The following UHMK1 variants were observed in gnomAD, a reference collection of about 807,000 sequenced individuals.
UHMK1 encodes serine/threonine-protein kinase Kist.
In UHMK1, 18 loss-of-function variants were observed where a neutral mutation model predicts 44.0. The ratio of observed to expected loss-of-function variants is 0.41; its 90% CI spans 0.28 to 0.61. The LOEUF is 0.61. UHMK1 is among the 20% of genes least tolerant of loss of function. The probability of loss-of-function intolerance (pLI) is 0.31; values close to 1 mark genes in which losing one functional copy is unlikely to be tolerated. For synonymous variants in UHMK1, 231 were observed against 198.5 expected, an observed-to-expected ratio of 1.16 and a Z score of -1.38; for missense variants, 463 against 522.5, an observed-to-expected ratio of 0.89 and a Z score of 1.11.
rs963185310 is a variant in UHMK1 at position 162,500,528 on chromosome 1, T to C, written c.561+281T>C. On this transcript the variant is annotated intron_variant, in intron 2 of 7. Coordinates refer to ENST00000489294, the MANE Select transcript of UHMK1 (RefSeq NM_175866.5). Reference sequence around the variant, plus strand: ...AATGGTTTTTTAAATTTTATGCGTGTTTGGCTAATTGCTGAGTTACTATTC... The same window carrying C: ...AATGGTTTTTTAAATTTTATGCGTGCTTGGCTAATTGCTGAGTTACTATTC... The C allele has an allele frequency of 1.2e-5, 5 of 425,304 alleles. No homozygotes were observed. The Admixed American group carries it at 1.6e-4, about 14-fold the overall frequency. 26.3% of individuals were successfully genotyped at this position (425,304 alleles called of 1,614,324 possible).
chr1:162,505,958 T>C (rs1311481516), intron 4 of UHMK1, among the ~76,000 whole-genome samples: 1 of 152,228 alleles, frequency 6.6e-6, no homozygotes, highest in Non-Finnish European at 1.5e-5. Context: ...CTGTAGTATA[T>C]ACAGTATCAA....
In UHMK1 at chr1:162,522,976, T is replaced by C. The variant is rs181510781; in HGVS notation, c.*426T>C. ...CAGTGGTTCTTCCTTATTGTTGATA[T>C]CCATAAGCTGGCACTGGATGCTCTC... On this transcript the variant is annotated 3_prime_UTR_variant, in exon 8 of 8. Coordinates refer to ENST00000489294, the MANE Select transcript of UHMK1 (RefSeq NM_175866.5). The C allele has an allele frequency of 9.3e-5, 15 of 161,308 alleles. No homozygotes were observed. Among genetic ancestry groups the C allele is most frequent in the South Asian group, 3.4e-4 (2 of 5,944 alleles). 10.0% of individuals were successfully genotyped at this position (161,308 alleles called of 1,614,324 possible). A position where few individuals can be genotyped will look rare whatever the true frequency, so the allele number is the denominator to read the frequency against.
At chr1:162,519,538 G>C (rs1651980454) in intron 7 of UHMK1, among the ~76,000 whole-genome samples, 2 of 152,150 alleles carry the variant, frequency 1.3e-5, no homozygotes, top group South Asian at 4.1e-4. Context: ...GATTAGCTTT[G>C]TGATGATCCT....
chr1:162,498,457 C>T (rs952096346), intron 1 of UHMK1, among the ~76,000 whole-genome samples, 189 bp downstream of exon 1: 2 of 152,210 alleles, frequency 1.3e-5, no homozygotes, highest in Admixed American at 6.5e-5. Context: ...AGTTGGTGGT[C>T]TGCTTTGCCA....
rs1308005251 is a variant in UHMK1 at position 162,525,820 on chromosome 1, C to T, written c.*3270C>T. The T allele has an allele frequency of 6.6e-6, 1 of 152,088 alleles. No homozygotes were observed. Among genetic ancestry groups the T allele is most frequent in the East Asian group, 1.9e-4 (1 of 5,194 alleles). 9.4% of individuals were successfully genotyped at this position (152,088 alleles called of 1,614,324 possible). A position where few individuals can be genotyped will look rare whatever the true frequency, so the allele number is the denominator to read the frequency against. On this transcript the variant is annotated 3_prime_UTR_variant, in exon 8 of 8. Transcript: ENST00000489294. ...CAAAAACCATAAGTATGGTTTTACT[C>T]GAACTTCTCTTTGTTTTTATTGAGA... is the stretch of plus-strand genomic sequence containing the variant.
intron 1 of UHMK1, among the ~76,000 whole-genome samples, chr1:162,499,229 A>G (rs887420621): frequency 6.6e-6 from 1 of 151,920 alleles, no homozygotes; most frequent in African/African-American, 2.4e-5. Context: ...AGGCTGGAGT[A>G]CAATGGCGAG....
chr1:162,511,782 G>A (rs1651678312), intron 4 of UHMK1, among the ~76,000 whole-genome samples: 1 of 152,194 alleles, frequency 6.6e-6, no homozygotes, highest in Admixed American at 6.5e-5. Flanking sequence ...AGAGATAAGG[G>A]TTTAATTTTA....
At chr1:162,509,975 A>G (rs927581014) in intron 4 of UHMK1, among the ~76,000 whole-genome samples, 1 of 151,938 alleles carries the variant, frequency 6.6e-6, no homozygotes, top group Non-Finnish European at 1.5e-5. Flanking sequence ...GCTTATTTTT[A>G]CTTTATAAAT....
intron 7 of UHMK1, among the ~76,000 whole-genome samples, chr1:162,519,710 A>T (rs1182563211): frequency 6.6e-6 from 1 of 152,138 alleles, no homozygotes; most frequent in Non-Finnish European, 1.5e-5. Flanking sequence ...GCTTTACCTT[A>T]GGGTTTCTCA....
At chr1:162,520,844 G>T (rs1652027763) in intron 7 of UHMK1, among the ~76,000 whole-genome samples, 1 of 152,196 alleles carries the variant, frequency 6.6e-6, no homozygotes, top group Non-Finnish European at 1.5e-5. Context: ...ATGAAGGACT[G>T]ACATGATCTG....
At chr1:162,512,370 TGA>T (rs1413321889) in intron 4 of UHMK1, 128 bp from the exon 5 acceptor site, 6 of 714,986 alleles carry the variant, frequency 8.4e-6, no homozygotes, top group African/African-American at 1.8e-5. Flanking sequence ...TATTTATAAG[TGA>T]ATGATTCAAT....
upstream of UHMK1, chr1:162,497,372 G>C (rs1359221703): frequency 1.5e-6 from 1 of 669,688 alleles, no homozygotes; most frequent in Non-Finnish European, 2.7e-6. Context: ...CTGGGAGAAA[G>C]TCCATTCCGA....
At chr1:162,497,752 C>A, upstream of UHMK1, 1 of 1,258,672 alleles carries the variant, frequency 7.9e-7, no homozygotes, top group Non-Finnish European at 1.0e-6. Context: ...TCTTCTAGGC[C>A]CCGCCCCTTC....
intron 1 of UHMK1, among the ~76,000 whole-genome samples, chr1:162,498,884 GC>G (rs1651162852): frequency 1.3e-5 from 2 of 152,188 alleles, no homozygotes; most frequent in African/African-American, 4.8e-5. Flanking sequence ...ACGACAGAAA[GC>G]TTATCATTAG....
At chr1:162,520,872 G>A (rs971961820) in intron 7 of UHMK1, among the ~76,000 whole-genome samples, 3 of 152,194 alleles carry the variant, frequency 2.0e-5, no homozygotes, top group African/African-American at 7.2e-5. Context: ...ATTAGCCCCA[G>A]TGGTCAAAAT....
chr1:162,511,189 C>CTTTTTTTTTT (rs142796500), intron 4 of UHMK1, among the ~76,000 whole-genome samples: 9 of 100,962 alleles, frequency 8.9e-5, no homozygotes, highest in African/African-American at 1.2e-4. Context: ...TTTTCTTTTT[C>CTTTTTTTTTT]TTTTTTTTTT....
intron 4 of UHMK1, among the ~76,000 whole-genome samples, chr1:162,511,514 A>ATAGT (rs1292205983): frequency 1.3e-5 from 2 of 152,128 alleles, no homozygotes; most frequent in African/African-American, 4.8e-5. Context: ...TAGCAGATGT[A>ATAGT]TAGTTGGTAA....
At position 162,497,857 on chromosome 1, in the gene UHMK1, T is replaced by C. The variant is rs919075567; in HGVS notation, c.-144T>C. The C allele has an allele frequency of 2.5e-5, 34 of 1,378,870 alleles. No individual in the cohort carries two copies. The highest frequency in any genetic ancestry group is 3.1e-5 in the Non-Finnish European group (33 of 1,071,772). The allele number at this position is 1,378,870 out of a possible 1,614,324, so 85.4% of individuals were successfully genotyped here. A position where few individuals can be genotyped will look rare whatever the true frequency, so the allele number is the denominator to read the frequency against. ...CCACGGCTTCCGGTGTCATGGCTGC[T>C]TGAAGTCCCGGGAGTCGGTGAGGCG... On this transcript the variant is annotated 5_prime_UTR_variant, in exon 1 of 8. Transcript: ENST00000489294.
chr1:162,512,786 G>A lies in UHMK1; in HGVS notation c.987G>A (p.Leu329=). Residue 329 remains leucine, a synonymous_variant, in exon 6 of 8, where the codon CTG becomes CTA. Coordinates refer to ENST00000489294, the MANE Select transcript of UHMK1 (RefSeq NM_175866.5). ...PTPVLRLLNV[L]DDDYLENEEE... is the part of the protein sequence containing the mutation. The stretch of plus-strand genomic sequence containing the variant: ...CAGTGCTAAGACTGCTGAATGTGCT[G>A]GATGATGATTATCTTGAGAATGAAG... The A allele has an allele frequency of 6.2e-7, 1 of 1,614,076 alleles. No individual in the cohort carries two copies. The highest frequency in any genetic ancestry group is 1.3e-5 in the African/African-American group (1 of 75,026).
Sources: gnomAD v4.1 joint callset for allele counts (sites outside exome capture counted in the v4.1 genomes callset) on GRCh38, gnomAD v4.1.1 for gene constraint, MANE v1.5 for transcripts, NCBI Gene and HGNC (gene_info 2026-07-23, HGNC 2026-07-21) for gene names.